HHIPL1: variants seen among roughly 807,000 people sequenced by gnomAD.
HHIPL1 encodes the protein HHIP-like protein 1.
In HHIPL1, 43 loss-of-function variants were observed where a neutral mutation model predicts 61.8. The ratio of observed to expected loss-of-function variants is 0.70; its 90% confidence interval spans 0.55 to 0.90. The LOEUF (loss-of-function observed/expected upper bound fraction) is 0.90, where lower values mean the gene tolerates loss of function less well. Ranked by LOEUF, HHIPL1 falls within the 40% of genes least tolerant of loss-of-function variation. The pLI is 0.00. For synonymous variants in HHIPL1, 482 were observed against 515.8 expected (o/e 0.93, Z 0.89); for missense variants, 1,056 against 1,157.7 (o/e 0.91, Z 1.28).
chr14:99,640,646 T>C (rs962543237), upstream of HHIPL1, among the ~76,000 whole-genome samples: 9 of 152,158 alleles, frequency 5.9e-5, no homozygotes, highest in Non-Finnish European at 1.3e-4. Context: ...TTTGAGCAGA[T>C]ACTACAGAGG....
intron 5 of HHIPL1, 54 bp from the exon 6 acceptor site, chr14:99,662,822 G>A: frequency 6.6e-7 from 1 of 1,505,984 alleles, no homozygotes; most frequent in Non-Finnish European, 8.9e-7. Context: ...TTGGTGGGTA[G>A]GTTCCCCTGG....
At chr14:99,667,926 G>T (rs777719589) in intron 6 of HHIPL1, among the ~76,000 whole-genome samples, 1 of 152,158 alleles carries the variant, frequency 6.6e-6, no homozygotes, top group Non-Finnish European at 1.5e-5. Flanking sequence ...CAGGGGTGGC[G>T]CTGGGTCACC....
chr14:99,653,713 A>T (rs557335133), intron 2 of HHIPL1, among the ~76,000 whole-genome samples: 1 of 152,256 alleles, frequency 6.6e-6, no homozygotes, highest in East Asian at 1.9e-4. Flanking sequence ...GCTCCTCTCA[A>T]CAAGGCCTGC....
chr14:99,641,852 TTGA>T (rs144118567), upstream of HHIPL1, among the ~76,000 whole-genome samples: 1,309 of 152,334 alleles, frequency 8.6e-3, 25 homozygotes, highest in African/African-American at 0.03. Context: ...TGCCTCGCTG[TTGA>T]TTTTTTGGTA....
chr14:99,612,649 A>C, the HHIPL1 span, among the ~76,000 whole-genome samples: 57 of 152,266 alleles, frequency 3.7e-4, no homozygotes, highest in African/African-American at 1.3e-3. Context: ...CTGTTGCACC[A>C]CTGTGCTGGG....
rs75997767 is a variant in HHIPL1, at chr14:99,667,225, T to C, written c.1649-997T>C. On this transcript the variant is annotated intron_variant, in intron 6 of 8. Transcript: ENST00000330710. ...AGCCACCATGCATCCAATATTGGTG[T>C]GGGGCTGGGGCAGCAGACTTTCCTG... Among the ~76,000 whole-genome samples the C allele has an allele frequency of 3.3e-5, 5 of 152,138 alleles. 1 individual carries two copies. In the South Asian group the frequency reaches 1.0e-3, roughly 32 times the overall value.
At chr14:99,631,054 TTCTTTCTTTCTTTCTTTC>T in the HHIPL1 span, among the ~76,000 whole-genome samples, 2 of 75,426 alleles carry the variant, frequency 2.7e-5, no homozygotes, top group Admixed American at 1.2e-4. Flanking sequence ...TCCATTTTCT[TTCTTTCTTTCTTTCTTTC>T]TTTCTTTCTT....
the HHIPL1 span, among the ~76,000 whole-genome samples, chr14:99,629,281 C>G: frequency 3.3e-5 from 5 of 152,270 alleles, no homozygotes; most frequent in South Asian, 1.0e-3. Context: ...CGCTGAAAAT[C>G]AGTGAAATAA....
chr14:99,645,604 C>T (rs2055819555), intron 1 of HHIPL1, 142 bp downstream of exon 1: 2 of 935,492 alleles, frequency 2.1e-6, no homozygotes, highest in African/African-American at 1.7e-5. Context: ...TCATTTGGCA[C>T]GGGGCGGGGA....
chr14:99,667,143 G>A (rs1426273597), intron 6 of HHIPL1, among the ~76,000 whole-genome samples: 1 of 152,206 alleles, frequency 6.6e-6, no homozygotes, highest in African/African-American at 2.4e-5. Flanking sequence ...AAGGACAGAG[G>A]TATTAGCATG....
intron 1 of HHIPL1, among the ~76,000 whole-genome samples, chr14:99,648,585 G>A (rs557729316): frequency 6.6e-6 from 1 of 152,334 alleles, no homozygotes; most frequent in East Asian, 1.9e-4. Flanking sequence ...CCTGGCGACG[G>A]AGCAGTGACT....
chr14:99,622,351 G>C, the HHIPL1 span, among the ~76,000 whole-genome samples: 3 of 152,102 alleles, frequency 2.0e-5, no homozygotes, highest in Admixed American at 6.5e-5. Flanking sequence ...GTCACCCCTG[G>C]GGTGCTCTGT....
chr14:99,665,494 G>A (rs2056228970), intron 6 of HHIPL1, among the ~76,000 whole-genome samples: 1 of 152,250 alleles, frequency 6.6e-6, no homozygotes, highest in African/African-American at 2.4e-5. Context: ...AGGCAGGAAT[G>A]TGGTGGCGCC....
At chr14:99,658,650 G>A (rs957248394) in intron 3 of HHIPL1, among the ~76,000 whole-genome samples, 7 of 152,152 alleles carry the variant, frequency 4.6e-5, no homozygotes, top group African/African-American at 1.7e-4. Context: ...CATGTTCTCC[G>A]CACTGTCTTT....
chr14:99,668,415 C>T lies in HHIPL1; in HGVS notation c.1730+112C>T. On this transcript the variant is annotated intron_variant, in intron 7 of 8. Coordinates refer to ENST00000330710, the MANE Select transcript of HHIPL1 (RefSeq NM_001127258.3). The surrounding 1 kb of genome is among the most constrained non-coding windows in gnomAD (Gnocchi z 4.7). ...GGTGGGTGGTATTAATCCCCATTTT[C>T]AGACAAGAACCCTGAGGCCCAGAGA... The T allele has an allele frequency of 1.4e-6, 1 of 697,712 alleles. No homozygotes were observed. Among genetic ancestry groups the T allele is most frequent in the Non-Finnish European group, 2.6e-6 (1 of 386,648 alleles). The allele number at this position is 697,712 out of a possible 1,614,324, so 43.2% of individuals were successfully genotyped here. A position where few individuals can be genotyped will look rare whatever the true frequency, so the allele number is the denominator to read the frequency against.
chr14:99,660,125 CCACGCCAGCCCTGCTGTGGG>C lies in HHIPL1; in HGVS notation c.1376-128_1376-109del, dbSNP rs144586214. ...GGCACCCCTGCAGACACGCTTTCCACCACGCCAGCCCTGCTGTGGGCACGCCAGCCCTGCTGTGGGCACGC... is the reference window on the plus strand; with the variant it reads ...GGCACCCCTGCAGACACGCTTTCCACCACGCCAGCCCTGCTGTGGGCACGC... On this transcript the variant is annotated intron_variant, in intron 4 of 8. Transcript: ENST00000330710. This position sits in a 1 kb window ranked among gnomAD's most constrained non-coding sequence, Gnocchi z 4.9. Among the ~76,000 whole-genome samples, 28,405 of 151,072 alleles carry C rather than the reference CCACGCCAGCCCTGCTGTGGG, an allele frequency of 0.19. 2,721 individuals are homozygous for C. Among genetic ancestry groups the C allele is most frequent in the Middle Eastern group, 0.32 (95 of 294 alleles).
intron 7 of HHIPL1, chr14:99,669,384 AGGCC>A: frequency 2.1e-6 from 2 of 966,436 alleles, no homozygotes; most frequent in South Asian, 4.8e-5. Context: ...CTCTAACGCA[AGGCC>A]TGAGGTTGCA....
At chr14:99,651,658 C>T (rs1423058834) in intron 1 of HHIPL1, among the ~76,000 whole-genome samples, 1 of 152,106 alleles carries the variant, frequency 6.6e-6, no homozygotes, top group Non-Finnish European at 1.5e-5. Context: ...CAGATCCAAG[C>T]CATATCAGAG....
intron 1 of HHIPL1, among the ~76,000 whole-genome samples, chr14:99,648,662 C>A (rs1221828640): frequency 6.6e-6 from 1 of 152,144 alleles, no homozygotes; most frequent in East Asian, 1.9e-4. Context: ...GAGATATGGA[C>A]AGAGTGCATT....
Sources: allele counts gnomAD v4.1 joint callset (sites outside exome capture counted in the v4.1 genomes callset), GRCh38; gene constraint gnomAD v4.1.1; non-coding constraint Gnocchi (gnomAD v3.1); transcripts MANE v1.5; gene names NCBI Gene and HGNC (gene_info 2026-07-23, HGNC 2026-07-21).